Variants in DENND1A observed in about 807,000 individuals in gnomAD.
DENND1A encodes the protein DENN domain containing 1A.
Under a neutral mutation model 113.7 loss-of-function variants are expected in DENND1A, and 51 were observed. The ratio of observed to expected loss-of-function variants is 0.45; its 90% CI spans 0.36 to 0.57. DENND1A has a LOEUF of 0.57. DENND1A is among the 20% of genes least tolerant of loss of function. DENND1A has a pLI of 0.00. For synonymous variants in DENND1A, 565 were observed against 570.8 expected (o/e 0.99, Z 0.14); for missense variants, 1,258 against 1,395.9 (o/e 0.90, Z 1.57).
intron 13 of DENND1A, among the ~76,000 whole-genome samples, chr9:123,544,755 T>C (rs920562653): frequency 6.6e-6 from 1 of 152,200 alleles, no homozygotes; most frequent in Admixed American, 6.5e-5. Flanking sequence ...TCTTAATGAT[T>C]TATTTAACGA....
rs538833400 is a variant in DENND1A at position 123,676,795 on chromosome 9, GGAA to G, written c.303-9_303-7del. 145 of 1,613,698 alleles carry G rather than the reference GGAA, an allele frequency of 9.0e-5. 1 individual carries two copies. The African/African-American group carries it at 1.9e-3, about 21-fold the overall frequency. On this transcript the variant is annotated splice_polypyrimidine_tract_variant and splice_region_variant and intron_variant, in intron 5 of 23. Transcript: ENST00000394215. The stretch of plus-strand genomic sequence containing the variant: ...CCTCGAACCAGGGGAGATAGCTGGA[GGAA>G]GAAGAGGAAACACATGAAATATTAG...
At chr9:123,631,172 T>C (rs1470642516) in intron 9 of DENND1A, among the ~76,000 whole-genome samples, 1 of 152,152 alleles carries the variant, frequency 6.6e-6, no homozygotes, top group African/African-American at 2.4e-5. Flanking sequence ...GGATGGAGGC[T>C]CTTTACACCC....
chr9:123,821,436 C>T (rs1017687999), intron 2 of DENND1A, among the ~76,000 whole-genome samples: 3 of 152,172 alleles, frequency 2.0e-5, no homozygotes, highest in African/African-American at 7.2e-5. Flanking sequence ...AATACGACAG[C>T]ATCTAGCTTA....
At chr9:123,890,894 T>C (rs1202213115) in intron 1 of DENND1A, among the ~76,000 whole-genome samples, 2 of 152,176 alleles carry the variant, frequency 1.3e-5, no homozygotes, top group Non-Finnish European at 2.9e-5. Flanking sequence ...ATGCACTCAT[T>C]GTAAGTGTCT....
chr9:123,384,713 C>T (rs1050773858), intron 22 of DENND1A, among the ~76,000 whole-genome samples: 5 of 152,122 alleles, frequency 3.3e-5, no homozygotes, highest in Non-Finnish European at 7.4e-5. Flanking sequence ...TTTGGGAGGC[C>T]GAGGCGGGCG....
rs1618801 is a variant in DENND1A at position 123,806,651 on chromosome 9, T to C, written c.89-14021A>G. Among the ~76,000 whole-genome samples the C allele has an allele frequency of 3.7e-3, 566 of 152,356 alleles. 1 individual carries two copies. Among genetic ancestry groups the C allele is most frequent in the African/African-American group, 0.013 (533 of 41,584 alleles). On this transcript the variant is annotated intron_variant, in intron 2 of 23. Transcript: ENST00000394215. Reference sequence around the variant, plus strand: ...GGAAGTTTTGGATTTTGGAGCATTTTGGATTTTCAGATTAGGAATGCTTAA... The same window carrying C: ...GGAAGTTTTGGATTTTGGAGCATTTCGGATTTTCAGATTAGGAATGCTTAA...
chr9:123,757,887 T>A, intron 4 of DENND1A, 65 bp from the exon 5 acceptor site: 1 of 1,571,042 alleles, frequency 6.4e-7, no homozygotes, highest in Non-Finnish European at 8.6e-7. Flanking sequence ...AAGTATCTAA[T>A]CACAATGAGT....
chr9:123,904,591 T>C (rs566149902), intron 1 of DENND1A, among the ~76,000 whole-genome samples: 3 of 148,002 alleles, frequency 2.0e-5, no homozygotes, highest in South Asian at 2.1e-4. Flanking sequence ...CAGGAGCCGA[T>C]GCAATCAACT....
Position 123,929,887 on chromosome 9 carries a change from A to G in DENND1A, c.17+2T>C. 1 of 313,844 alleles carries G rather than the reference A, an allele frequency of 3.2e-6. No homozygotes were observed. The highest frequency in any genetic ancestry group is 4.4e-5 in the South Asian group (1 of 22,920). The allele number at this position is 313,844 out of a possible 1,614,324, so 19.4% of individuals were successfully genotyped here. On this transcript the variant is annotated splice_donor_variant, in intron 1 of 23. Transcript: ENST00000394215. LOFTEE classifies it high-confidence loss of function. Reference sequence around the variant, plus strand: ...GGCTCCGCCCGGCCCGGCCGCACTCACTTGATCCTGGAGCCCATGGTCCCC... The same window carrying G: ...GGCTCCGCCCGGCCCGGCCGCACTCGCTTGATCCTGGAGCCCATGGTCCCC...
At chr9:123,682,445 C>A (rs532880919) in intron 5 of DENND1A, among the ~76,000 whole-genome samples, 2 of 152,094 alleles carry the variant, frequency 1.3e-5, no homozygotes, top group East Asian at 1.9e-4. Context: ...ATGTTGAATA[C>A]CTGAGGAGAG....
intron 5 of DENND1A, among the ~76,000 whole-genome samples, chr9:123,748,234 C>T (rs560105616): frequency 6.6e-6 from 1 of 152,314 alleles, no homozygotes; most frequent in African/African-American, 2.4e-5. Context: ...GTTATACCTA[C>T]AGCACCATCC....
chr9:123,843,670 T>C (rs1842160381), intron 2 of DENND1A: 1 of 160,484 alleles, frequency 6.2e-6, no homozygotes, highest in Non-Finnish European at 1.4e-5. Context: ...AAGCAATTTC[T>C]ATACAAGAAC....
At chr9:123,878,356 T>TTTAAG (rs113043680) in intron 2 of DENND1A, among the ~76,000 whole-genome samples, 43,816 of 151,618 alleles carry the variant, frequency 0.29, 10,121 homozygotes, top group African/African-American at 0.65. Context: ...CAAGAAAGAT[T>TTTAAG]TTAAGAAGAA....
rs1417703031 is a variant in DENND1A at position 123,452,288 on chromosome 9, A to C, written c.1287T>G (p.Thr429=). 6.2e-7 allele frequency: 1 copy of C among 1,614,258 alleles called. No individual in the cohort carries two copies. The highest frequency in any genetic ancestry group is 1.1e-5 in the South Asian group (1 of 91,086). The stretch of plus-strand genomic sequence containing the variant: ...GACCAGTACTTACGAACTTGTAGAC[A>C]GTCTTCATGGCCGGATTTGCTTTGG... The part of the protein sequence containing the change: ...VKTKANPAMK[T]VYKFAKDHAK... The change falls in exon 17 of 24, where the codon ACT becomes ACG. Residue 429 remains threonine (T), a synonymous_variant. Transcript: ENST00000394215.
intron 2 of DENND1A, among the ~76,000 whole-genome samples, chr9:123,811,027 G>A (rs1049369525): frequency 3.3e-5 from 5 of 151,614 alleles, no homozygotes; most frequent in Non-Finnish European, 5.9e-5. Flanking sequence ...CCAAAGTGCC[G>A]GGATTACAGG....
intron 2 of DENND1A, among the ~76,000 whole-genome samples, chr9:123,848,619 T>G (rs1262436238): frequency 3.3e-5 from 5 of 151,766 alleles, no homozygotes; most frequent in Admixed American, 1.3e-4. Context: ...AAAGGAGGAG[T>G]TGCATGTCTT....
chr9:123,518,029 C>T (rs1248373777), intron 13 of DENND1A, among the ~76,000 whole-genome samples: 1 of 151,960 alleles, frequency 6.6e-6, no homozygotes, highest in East Asian at 1.9e-4. Flanking sequence ...TCAAGCTGAC[C>T]CTTTTTTCCT....
At chr9:123,711,013 A>G (rs1351091318) in intron 5 of DENND1A, among the ~76,000 whole-genome samples, 2 of 152,066 alleles carry the variant, frequency 1.3e-5, no homozygotes, top group Non-Finnish European at 2.9e-5. Context: ...TCTATCTTGG[A>G]TGAGTAATGT....
At chr9:123,815,410 T>G (rs1837281081) in intron 2 of DENND1A, among the ~76,000 whole-genome samples, 1 of 152,178 alleles carries the variant, frequency 6.6e-6, no homozygotes, top group African/African-American at 2.4e-5. Flanking sequence ...TTCACATGAC[T>G]AGAAACAACT....
Sources: gnomAD v4.1 joint callset for allele counts (sites outside exome capture counted in the v4.1 genomes callset) on GRCh38, gnomAD v4.1.1 for gene constraint, MANE v1.5 for transcripts, NCBI Gene and HGNC (gene_info 2026-07-23, HGNC 2026-07-21) for gene names.